The following REV3L variants were observed in gnomAD, a reference collection of about 807,000 sequenced individuals.
REV3L encodes the protein REV3 like, DNA directed polymerase zeta catalytic subunit, also known as DNA polymerase zeta catalytic subunit.
REV3L carries 69 observed loss-of-function variants against 299.4 expected under a neutral mutation model. That is an observed-to-expected ratio of 0.23 (90% CI 0.19 to 0.28). REV3L has a LOEUF of 0.28. REV3L is among the 10% of genes least tolerant of loss of function. The pLI, the probability that REV3L is intolerant of heterozygous loss-of-function variation, is 1.00. For synonymous variants in REV3L, 1,238 were observed against 1,271.4 expected, an observed-to-expected ratio of 0.97 and a Z score of 0.56; for missense variants, 3,128 against 3,693.8, an observed-to-expected ratio of 0.85 and a Z score of 3.97.
intron 4 of REV3L, among the ~76,000 whole-genome samples, chr6:111,397,736 A>G (rs1311680170): frequency 6.6e-6 from 1 of 151,958 alleles, no homozygotes; most frequent in African/African-American, 2.4e-5. Flanking sequence ...TCCCAGGCAT[A>G]AGCAATCCTC....
chr6:111,391,602 T>C (rs1387080541), intron 5 of REV3L, among the ~76,000 whole-genome samples: 1 of 152,230 alleles, frequency 6.6e-6, no homozygotes, highest in Non-Finnish European at 1.5e-5. Context: ...TATCATAATA[T>C]ATTCCTTTCT....
chr6:111,454,147 T>C (rs1406086315), intron 1 of REV3L, among the ~76,000 whole-genome samples: 10 of 151,914 alleles, frequency 6.6e-5, no homozygotes, highest in African/African-American at 1.2e-4. Context: ...CTCACTATGT[T>C]GTCCAGGCGG....
Position 111,376,342 on chromosome 6 carries a change from T to C in REV3L, c.2013A>G (p.Arg671=), listed in dbSNP as rs1780302303. 2.5e-6 allele frequency: 4 copies of C among 1,612,958 alleles called. No homozygotes were observed. The highest frequency in any genetic ancestry group is 3.4e-6 in the Non-Finnish European group (4 of 1,179,644). ...DYEEDIPSVT[R]QVPSRKYTNI... is the part of the protein sequence containing the mutation. ...TTGTATATTTTCTACTTGGTACTTGTCTTGTAACAGATGGAATATCTTCTT... is the reference window on the plus strand; with the variant it reads ...TTGTATATTTTCTACTTGGTACTTGCCTTGTAACAGATGGAATATCTTCTT... The change falls in exon 13 of 32, where the codon AGA becomes AGG. Residue 671 remains arginine, a synonymous_variant. Coordinates refer to ENST00000368802, the MANE Select transcript of REV3L (RefSeq NM_001372078.1).
At chr6:111,480,100 G>A (rs1203610447) in intron 1 of REV3L, among the ~76,000 whole-genome samples, 1 of 152,120 alleles carries the variant, frequency 6.6e-6, no homozygotes. Flanking sequence ...CTATTTTTCA[G>A]GATCTCATTT....
rs934526782 is a variant in REV3L, at chr6:111,483,034, G to A, written c.-146C>T. On this transcript the variant is annotated 5_prime_UTR_variant, in exon 1 of 32. Coordinates refer to ENST00000368802, the MANE Select transcript of REV3L (RefSeq NM_001372078.1). ...CTCACACAGAGGCACCTCGAGGAGCGGCGGGCGGGGCGGTGTAGGCGCTGC... is the reference window on the plus strand; with the variant it reads ...CTCACACAGAGGCACCTCGAGGAGCAGCGGGCGGGGCGGTGTAGGCGCTGC... 7.9e-6 allele frequency: 8 copies of A among 1,013,318 alleles called. No homozygotes were observed. In the African/African-American group the frequency reaches 1.4e-4, roughly 17 times the overall value. 62.8% of individuals were successfully genotyped at this position (1,013,318 alleles called of 1,614,324 possible).
chr6:111,387,840 C>CCTCA lies in REV3L; in HGVS notation c.1017_1020dup (p.Val341Ter). ...CACTGAAGCATTTCAGGAGACAGAA[C>CCTCA]CTCAGAGTGCAATGTTAACTCAGCA... On this transcript the variant is annotated stop_gained and frameshift_variant, in exon 9 of 32. Transcript: ENST00000368802. LOFTEE classifies it high-confidence loss of function. 6.2e-7 allele frequency: 1 copy of CCTCA among 1,613,878 alleles called. No individual in the cohort carries two copies. The highest frequency in any genetic ancestry group is 8.5e-7 in the Non-Finnish European group (1 of 1,179,856).
chr6:111,444,724 C>T (rs1055667932), intron 1 of REV3L, among the ~76,000 whole-genome samples: 4 of 152,148 alleles, frequency 2.6e-5, no homozygotes, highest in African/African-American at 7.2e-5. Context: ...AAATGCCTAA[C>T]GGGTTAGTTG....
At chr6:111,371,917 C>G (rs1478010630) in intron 13 of REV3L, among the ~76,000 whole-genome samples, 1 of 152,008 alleles carries the variant, frequency 6.6e-6, no homozygotes, top group South Asian at 2.1e-4. Flanking sequence ...GTCGCAAACT[C>G]CTGGGCTCAA....
intron 31 of REV3L, among the ~76,000 whole-genome samples, chr6:111,301,652 A>G (rs1230200203): frequency 1.3e-5 from 2 of 152,238 alleles, no homozygotes; most frequent in Non-Finnish European, 2.9e-5. Context: ...TGAAAGCCTA[A>G]GAATCTGTAC....
chr6:111,389,100 T>G lies in REV3L; in HGVS notation c.862+6A>C, dbSNP rs2128252597. Reference sequence around the variant, plus strand: ...AAGAATAATCAGAGCACTATTAGGTTTATACCTTGTGACTCAGGTTGGCTC... The same window carrying G: ...AAGAATAATCAGAGCACTATTAGGTGTATACCTTGTGACTCAGGTTGGCTC... On this transcript the variant is annotated splice_donor_region_variant and intron_variant, in intron 7 of 31. Transcript: ENST00000368802. 1 of 1,605,582 alleles carries G rather than the reference T, an allele frequency of 6.2e-7. No individual in the cohort carries two copies. Among genetic ancestry groups the G allele is most frequent in the Non-Finnish European group, 8.5e-7 (1 of 1,172,342 alleles).
intron 1 of REV3L, among the ~76,000 whole-genome samples, chr6:111,446,439 C>G (rs17539211): frequency 6.6e-6 from 1 of 152,130 alleles, no homozygotes; most frequent in African/African-American, 2.4e-5. Context: ...GTGGCTGGCT[C>G]ACGCTTACAA....
chr6:111,358,838 CTTGTCT>C lies in REV3L; in HGVS notation c.7050_7055del (p.Asp2351_Lys2352del). The C allele has an allele frequency of 6.2e-7, 1 of 1,609,542 alleles. No homozygotes were observed. Among genetic ancestry groups the C allele is most frequent in the Non-Finnish European group, 8.5e-7 (1 of 1,177,102 alleles). On this transcript the variant is annotated inframe_deletion, in exon 17 of 32. Coordinates refer to ENST00000368802, the MANE Select transcript of REV3L (RefSeq NM_001372078.1). ...GGACAATACCTTGACTGAAAACTGT[CTTGTCT>C]TTATCAATCACTATTACACCTGTGA...
intron 27 of REV3L, 85 bp from the exon 28 acceptor site, chr6:111,313,574 A>C: frequency 7.5e-7 from 1 of 1,331,090 alleles, no homozygotes; most frequent in Non-Finnish European, 1.0e-6. Flanking sequence ...TGCTTTCTTT[A>C]ATCAAGTATC....
intron 25 of REV3L, 129 bp from the exon 26 acceptor site, chr6:111,322,807 A>C (rs748889375): frequency 1.8e-5 from 12 of 681,718 alleles, no homozygotes; most frequent in Non-Finnish European, 2.7e-5. Flanking sequence ...GTAAAAAAGA[A>C]ATCAAAATAG....
chr6:111,374,199 C>T lies in REV3L; in HGVS notation c.4156G>A (p.Ala1386Thr), dbSNP rs754782622. ...SGMSSKIEDNANNIQRNYLSS... is the reference protein window; with the variant it reads ...SGMSSKIEDNTNNIQRNYLSS... ...AAATAGTTTCTTTGTATATTATTTG[C>T]ATTATCTTCTATCTTTGAGGACATA... The change falls in exon 13 of 32, where the codon GCA (alanine) becomes ACA (threonine). Residue 1386 changes from alanine to threonine, a missense_variant. Physicochemically the swap from Ala to Thr is moderately conservative, Grantham distance 58. Coordinates refer to ENST00000368802, the MANE Select transcript of REV3L (RefSeq NM_001372078.1). 3 of 1,613,932 alleles carry T rather than the reference C, an allele frequency of 1.9e-6. No homozygotes were observed. The highest frequency in any genetic ancestry group is 1.6e-4 in the Middle Eastern group (1 of 6,062).
chr6:111,463,873 G>A (rs1341330624), intron 1 of REV3L, among the ~76,000 whole-genome samples: 1 of 152,116 alleles, frequency 6.6e-6, no homozygotes, highest in Non-Finnish European at 1.5e-5. Flanking sequence ...ACAGAAACCA[G>A]TCCCCTACTA....
intron 25 of REV3L, 69 bp downstream of exon 25, chr6:111,329,463 A>AG: frequency 7.0e-7 from 1 of 1,427,508 alleles, no homozygotes; most frequent in Non-Finnish European, 9.9e-7. Flanking sequence ...CTGGGAATAC[A>AG]GGTGAGTGCC....
At chr6:111,382,694 C>T (rs1030664578) in intron 9 of REV3L, among the ~76,000 whole-genome samples, 8 of 152,156 alleles carry the variant, frequency 5.3e-5, no homozygotes, top group Admixed American at 2.0e-4. Flanking sequence ...GGGCAAGTCC[C>T]AGTGCTGTGC....
Position 111,483,089 on chromosome 6 carries a change from A to AG in REV3L, c.-202dup. ...GCCGCCTCCTCAGGAGCACCCGGCA[A>AG]GGGGCCGCAGGAGAGAAGCCCTCGA... is the stretch of plus-strand genomic sequence containing the variant. On this transcript the variant is annotated 5_prime_UTR_variant, in exon 1 of 32. It removes the in-frame stop codon of an upstream open reading frame in the 5' UTR. Coordinates refer to ENST00000368802, the MANE Select transcript of REV3L (RefSeq NM_001372078.1). The AG allele has an allele frequency of 1.8e-6, 1 of 563,058 alleles. No individual in the cohort carries two copies. Among genetic ancestry groups the AG allele is most frequent in the Non-Finnish European group, 2.9e-6 (1 of 349,450 alleles). 34.9% of individuals were successfully genotyped at this position (563,058 alleles called of 1,614,324 possible).
Sources: gnomAD v4.1 joint callset for allele counts (sites outside exome capture counted in the v4.1 genomes callset) on GRCh38, gnomAD v4.1.1 for gene constraint, MANE v1.5 for transcripts, NCBI Gene and HGNC (gene_info 2026-07-23, HGNC 2026-07-21) for gene names.